FANCI: variants seen among roughly 807,000 people sequenced by gnomAD.
FANCI encodes Fanconi anemia group I protein.
In FANCI, 156 loss-of-function variants were observed where a neutral mutation model predicts 176.1. That is an observed-to-expected ratio of 0.89 (90% CI 0.78 to 1.01). The LOEUF (loss-of-function observed/expected upper bound fraction) is 1.01. FANCI is among the 50% of genes least tolerant of loss of function. FANCI has a pLI of 0.00. For synonymous variants in FANCI, 613 were observed against 541.7 expected (o/e 1.13, Z -1.83); for missense variants, 1,678 against 1,534.1 (o/e 1.09, Z -1.57).
intron 22 of FANCI, 110 bp downstream of exon 22, chr15:89,293,173 T>A (rs993800883): frequency 2.3e-5 from 28 of 1,200,344 alleles, no homozygotes; most frequent in Admixed American, 1.5e-4. Context: ...ACGATGACAC[T>A]GTCTCTTAAA....
At chr15:89,252,410 A>G (rs2052296271) in intron 2 of FANCI, among the ~76,000 whole-genome samples, 1 of 152,246 alleles carries the variant, frequency 6.6e-6, no homozygotes, top group South Asian at 2.1e-4. Context: ...GAATTCATCA[A>G]GGTAGCAGAA....
chr15:89,316,525 GC>G lies in FANCI; in HGVS notation c.*70del, dbSNP rs2055270450. 6.7e-7 allele frequency: 1 copy of G among 1,497,130 alleles called. No homozygotes were observed. Among genetic ancestry groups the G allele is most frequent in the South Asian group, 1.2e-5 (1 of 84,580 alleles). The allele number at this position is 1,497,130 out of a possible 1,614,324, so 92.7% of individuals were successfully genotyped here. Reference sequence around the variant, plus strand: ...TCATTTTTACCCAACAAGCAACAATGCCCCTTGTCCTGTAGTCCACACCGAT... The same window carrying G: ...TCATTTTTACCCAACAAGCAACAATGCCCTTGTCCTGTAGTCCACACCGAT... On this transcript the variant is annotated 3_prime_UTR_variant, in exon 38 of 38. Coordinates refer to ENST00000310775, the MANE Select transcript of FANCI (RefSeq NM_001113378.2).
intron 34 of FANCI, among the ~76,000 whole-genome samples, chr15:89,309,644 G>A (rs970338695): frequency 2.0e-5 from 3 of 152,140 alleles, no homozygotes; most frequent in Non-Finnish European, 2.9e-5. Context: ...GATCACTTGA[G>A]CCTAGGACTT....
At chr15:89,276,957 T>C in intron 13 of FANCI, 66 bp downstream of exon 13, 1 of 1,554,526 alleles carries the variant, frequency 6.4e-7, no homozygotes, top group Non-Finnish European at 8.9e-7. Flanking sequence ...GCTTGGCATT[T>C]GCCTGGGAGT....
In FANCI at chr15:89,315,404, C is replaced by A. The variant is rs2055187967; in HGVS notation, c.3924+15C>A. ...AAAATGAAGAGGTCAGTGCTGGCTT[C>A]TGTCTGGAGCCCAGCCACTCTTCCT... On this transcript the variant is annotated intron_variant, in intron 37 of 37. Coordinates refer to ENST00000310775, the MANE Select transcript of FANCI (RefSeq NM_001113378.2). The A allele has an allele frequency of 6.4e-7, 1 of 1,554,806 alleles. No individual in the cohort carries two copies. The highest frequency in any genetic ancestry group is 1.1e-5 in the South Asian group (1 of 89,852).
At position 89,312,930 on chromosome 15, in the gene FANCI, G is replaced by A. The variant is rs748187517; in HGVS notation, c.3678G>A (p.Thr1226=). The change falls in exon 35 of 38, where the codon ACG becomes ACA. Residue 1226 remains threonine (T), a synonymous_variant. Coordinates refer to ENST00000310775, the MANE Select transcript of FANCI (RefSeq NM_001113378.2). ...VQNKSKSLNY[T]GEKKEKPAAV... ...ATAAGAGTAAGAGCCTGAACTATAC[G>A]GGAGAGAAAAAGGAGAAACCTGCTG... The A allele has an allele frequency of 1.1e-5, 18 of 1,613,894 alleles. No individual in the cohort carries two copies. Among genetic ancestry groups the A allele is most frequent in the Middle Eastern group, 1.7e-4 (1 of 6,060 alleles).
chr15:89,273,942 C>A (rs1243956019), intron 11 of FANCI, among the ~76,000 whole-genome samples: 2 of 152,100 alleles, frequency 1.3e-5, no homozygotes, highest in Non-Finnish European at 2.9e-5. Context: ...TCTTCAGCTC[C>A]TTAAAGTTCC....
intron 12 of FANCI, among the ~76,000 whole-genome samples, chr15:89,276,489 A>G (rs1256592497): frequency 1.3e-5 from 2 of 152,194 alleles, no homozygotes; most frequent in Non-Finnish European, 2.9e-5. Flanking sequence ...GGATTTTCCC[A>G]GTATTCTGTG....
At position 89,307,639 on chromosome 15, in the gene FANCI, C is replaced by T. The variant is rs776699877; in HGVS notation, c.3618C>T (p.Thr1206=). The T allele has an allele frequency of 4.3e-6, 7 of 1,614,056 alleles. No homozygotes were observed. Among genetic ancestry groups the T allele is most frequent in the East Asian group, 2.2e-5 (1 of 44,874 alleles). ...KLVKLSGSHL[T]PLCYSFISYV... is the part of the protein sequence containing the mutation. Reference sequence around the variant, plus strand: ...TGAAGCTGTCTGGTTCTCATCTGACCCCCCTGTGTTATTCTTTCATTTCTT... The same window carrying T: ...TGAAGCTGTCTGGTTCTCATCTGACTCCCCTGTGTTATTCTTTCATTTCTT... Residue 1206 remains threonine (T), a synonymous_variant, in exon 34 of 38, where the codon ACC becomes ACT. Transcript: ENST00000310775.
chr15:89,293,812 T>G, intron 22 of FANCI, 21 bp from the exon 23 acceptor site: 1 of 1,611,702 alleles, frequency 6.2e-7, no homozygotes, highest in Non-Finnish European at 8.5e-7. Flanking sequence ...TCCTTAGCGG[T>G]CTCTTTTTTG....
rs756190679 is a variant in FANCI, at chr15:89,291,652, C to T, written c.1930C>T (p.Pro644Ser). ...FYEPKPDLLP[P>S]LKLEACILTQ... Reference sequence around the variant, plus strand: ...TGAGCCAAAACCTGATCTGCTGCCTCCTCTGAAATTAGAAGCTTGTATTCT... The same window carrying T: ...TGAGCCAAAACCTGATCTGCTGCCTTCTCTGAAATTAGAAGCTTGTATTCT... The change falls in exon 20 of 38, where the codon CCT becomes TCT. Residue 644 changes from proline to serine, a missense_variant. This residue lies in a region of FANCI where 1,204 missense variants were observed against 1,077.4 expected (regional missense o/e 1.12). Transcript: ENST00000310775. 6.2e-7 allele frequency: 1 copy of T among 1,613,808 alleles called. No homozygotes were observed. The highest frequency in any genetic ancestry group is 8.5e-7 in the Non-Finnish European group (1 of 1,179,830).
At chr15:89,276,953 C>A (rs2053432090) in intron 13 of FANCI, 62 bp downstream of exon 13, 3 of 1,559,514 alleles carry the variant, frequency 1.9e-6, no homozygotes, top group Admixed American at 3.3e-5. Flanking sequence ...TAGGGCTTGG[C>A]ATTTGCCTGG....
intron 24 of FANCI, among the ~76,000 whole-genome samples, chr15:89,296,429 GTTTTGT>G (rs761362209): frequency 7.9e-5 from 12 of 151,762 alleles, no homozygotes; most frequent in East Asian, 7.7e-4. Context: ...TTTTTGTTTT[GTTTTGT>G]TTTTGTTTTT....
chr15:89,294,970 T>TA lies in FANCI; in HGVS notation c.2512_2513insA (p.Phe838TyrfsTer26). 7 of 1,550,926 alleles carry TA rather than the reference T, an allele frequency of 4.5e-6. No individual in the cohort carries two copies. The highest frequency in any genetic ancestry group is 5.2e-6 in the Non-Finnish European group (6 of 1,146,630). On this transcript the variant is annotated frameshift_variant, in exon 24 of 38. Coordinates refer to ENST00000310775, the MANE Select transcript of FANCI (RefSeq NM_001113378.2). LOFTEE classifies it high-confidence loss of function. Reference sequence around the variant, plus strand: ...TTCTGTTCTCAGGTCCAGCAATGAGTTTATGCGCTATGCAGTGAATGTAGC... The same window carrying TA: ...TTCTGTTCTCAGGTCCAGCAATGAGTATTATGCGCTATGCAGTGAATGTAGC...
chr15:89,252,185 A>G (rs2052282395), intron 2 of FANCI, among the ~76,000 whole-genome samples: 1 of 151,834 alleles, frequency 6.6e-6, no homozygotes, highest in Non-Finnish European at 1.5e-5. Flanking sequence ...CTGTAATCCC[A>G]GCTACTCGGG....
rs1303816524 is a variant in FANCI, at chr15:89,283,219, C to T, written c.1667C>T (p.Ser556Phe). ...NFKVLGSLSSSQCSQSLSVSQ... is the reference protein window; with the variant it reads ...NFKVLGSLSSFQCSQSLSVSQ... ...AAAGTTTTAGGCAGCCTGTCATCCT[C>T]TCAGTGCAGTCAGTCTCTCAGTGTC... Residue 556 changes from serine to phenylalanine, a missense_variant, in exon 17 of 38, where the codon TCT (serine) becomes TTT (phenylalanine). Transcript: ENST00000310775. 6.2e-7 allele frequency: 1 copy of T among 1,614,142 alleles called. No individual in the cohort carries two copies.
At position 89,281,271 on chromosome 15, in the gene FANCI, A is replaced by G; in HGVS notation, c.1483A>G (p.Thr495Ala). 6.2e-7 allele frequency: 1 copy of G among 1,613,876 alleles called. No individual in the cohort carries two copies. Among genetic ancestry groups the G allele is most frequent in the Non-Finnish European group, 8.5e-7 (1 of 1,179,844 alleles). ...FDYLSFLPLQ[T>A]VQRLLKAVQP... ...CTATTTGTCCTTTCTGCCCCTTCAG[A>G]CTGTACAAAGGCTGCTTAAGGCAGT... The change falls in exon 15 of 38, where the codon ACT (threonine) becomes GCT (alanine). Residue 495 changes from threonine (T) to alanine (A), a missense_variant. By Grantham distance (58) the Thr-to-Ala change is moderately conservative. Transcript: ENST00000310775.
chr15:89,297,820 T>C (rs1428858051), intron 24 of FANCI, among the ~76,000 whole-genome samples: 1 of 151,520 alleles, frequency 6.6e-6, no homozygotes, highest in Non-Finnish European at 1.5e-5. Flanking sequence ...TTTTGTTTTT[T>C]TTTCATTTAA....
intron 9 of FANCI, among the ~76,000 whole-genome samples, chr15:89,266,727 C>G (rs1250153374): frequency 4.6e-5 from 7 of 152,188 alleles, no homozygotes; most frequent in Non-Finnish European, 1.0e-4. Flanking sequence ...CCTGCCTCAG[C>G]CTCCCAAAGT....
Sources: gnomAD v4.1 joint callset for allele counts (sites outside exome capture counted in the v4.1 genomes callset) on GRCh38, gnomAD v4.1.1 for gene constraint, gnomAD v4.1.1 regional missense constraint, MANE v1.5 for transcripts, NCBI Gene and HGNC (gene_info 2026-07-23, HGNC 2026-07-21) for gene names.